Variants in CLCN6 observed in about 807,000 individuals in gnomAD.
CLCN6 encodes the protein Cl-/H+ antiporter 6.
In CLCN6, 70 loss-of-function variants were observed where a neutral mutation model predicts 109.8. That is an observed-to-expected ratio of 0.64 (90% confidence interval 0.53 to 0.78). The LOEUF (loss-of-function observed/expected upper bound fraction) is 0.78, where lower values mean the gene tolerates loss of function less well. Ranked by LOEUF, CLCN6 falls within the 30% of genes least tolerant of loss-of-function variation. CLCN6 has a pLI of 0.00. For missense variants in CLCN6, 984 were observed against 1,142.3 expected (o/e 0.86, Z 2.00); for synonymous variants, 444 against 447.8 (o/e 0.99, Z 0.11).
intron 22 of CLCN6, chr1:11,838,928 C>T (rs1254616746): frequency 1.4e-6 from 1 of 717,926 alleles, no homozygotes; most frequent in Admixed American, 2.0e-5. Context: ...TGAAATGTTG[C>T]TCTTCACTCC....
chr1:11,837,928 T>A (rs1416384922), intron 20 of CLCN6, among the ~76,000 whole-genome samples: 1 of 152,218 alleles, frequency 6.6e-6, no homozygotes, highest in Non-Finnish European at 1.5e-5. Flanking sequence ...TGGGTTCATC[T>A]GAACTCGGTC....
intron 19 of CLCN6, 51 bp downstream of exon 19, chr1:11,837,207 G>T (rs764667149): frequency 1.0e-5 from 16 of 1,605,796 alleles, no homozygotes; most frequent in African/African-American, 1.3e-5. Flanking sequence ...CAGCGGTGGG[G>T]TGAGCCTTTG....
chr1:11,831,653 T>G (rs1644886185), intron 13 of CLCN6, among the ~76,000 whole-genome samples: 1 of 152,166 alleles, frequency 6.6e-6, no homozygotes, highest in Non-Finnish European at 1.5e-5. Flanking sequence ...CAAAAAACGA[T>G]TCTGTGGTCA....
chr1:11,822,558 T>A (rs1037820395), intron 5 of CLCN6, 137 bp from the exon 6 acceptor site: 4 of 561,316 alleles, frequency 7.1e-6, no homozygotes, highest in South Asian at 2.4e-5. Context: ...AGGCAGTTTT[T>A]AAAAAATTTT....
intron 4 of CLCN6, among the ~76,000 whole-genome samples, chr1:11,818,834 G>A (rs1163700700): frequency 6.6e-6 from 1 of 152,180 alleles, no homozygotes; most frequent in Non-Finnish European, 1.5e-5. Flanking sequence ...TACCTGGGAG[G>A]CTGAGGCAGG....
intron 2 of CLCN6, among the ~76,000 whole-genome samples, chr1:11,814,054 T>A (rs1314352653): frequency 6.6e-6 from 1 of 152,164 alleles, no homozygotes; most frequent in Non-Finnish European, 1.5e-5. Context: ...AAAAAAAGAA[T>A]TTGGACTAAC....
At chr1:11,838,975 G>A (rs1225114094) in intron 22 of CLCN6, 1 of 695,028 alleles carries the variant, frequency 1.4e-6, no homozygotes, top group African/African-American at 1.8e-5. Flanking sequence ...ACCTGCGTAG[G>A]GATTTGCGCA....
In CLCN6 at chr1:11,821,994, G is replaced by A. The variant is rs568031891; in HGVS notation, c.347-701G>A. The stretch of plus-strand genomic sequence containing the variant: ...GCAAGTTACAGAATATACAAGTGCC[G>A]TGTACAACAGTGTGGACACTTTTGA... On this transcript the variant is annotated intron_variant, in intron 5 of 22. Transcript: ENST00000346436. 6.6e-5 allele frequency among the ~76,000 whole-genome samples: 10 copies of A among 152,174 alleles called. 1 individual carries two copies. Among genetic ancestry groups the A allele is most frequent in the Admixed American group, 5.2e-4 (8 of 15,292 alleles).
chr1:11,808,217 G>A (rs1252804848), intron 2 of CLCN6, among the ~76,000 whole-genome samples: 1 of 137,822 alleles, frequency 7.3e-6, no homozygotes, highest in Admixed American at 8.0e-5. Flanking sequence ...TATTGTATGT[G>A]TGTGTGTGTT....
Position 11,815,915 on chromosome 1 carries a change from G to A in CLCN6, c.213+4G>A. ...TTTGGAGACCATGGATAATAAGGTG[G>A]GTCTTACAATTCTTCATCTCTGGGG... On this transcript the variant is annotated splice_donor_region_variant and intron_variant, in intron 3 of 22. Transcript: ENST00000346436. The A allele has an allele frequency of 2.5e-6, 4 of 1,605,698 alleles. No individual in the cohort carries two copies. Among genetic ancestry groups the A allele is most frequent in the Non-Finnish European group, 3.4e-6 (4 of 1,172,362 alleles).
Position 11,807,149 on chromosome 1 carries a change from C to CAGG in CLCN6, c.117_119dup (p.Glu39dup), listed in dbSNP as rs764096461. The CAGG allele has an allele frequency of 1.0e-4, 168 of 1,613,970 alleles. No homozygotes were observed. Among genetic ancestry groups the CAGG allele is most frequent in the Non-Finnish European group, 1.4e-4 (160 of 1,179,960 alleles). On this transcript the variant is annotated inframe_insertion, in exon 2 of 23. Transcript: ENST00000346436. ...TTTCTAGACCATCCTTGGAGAAACACAGGAGGAGGAGGATGAGATTCTTCC... is the reference window on the plus strand; with the variant it reads ...TTTCTAGACCATCCTTGGAGAAACACAGGAGGAGGAGGAGGATGAGATTCTTCC...
intron 2 of CLCN6, among the ~76,000 whole-genome samples, chr1:11,812,529 AC>A (rs1370541850): frequency 6.6e-6 from 1 of 151,310 alleles, no homozygotes; most frequent in African/African-American, 2.4e-5. Context: ...TGGGTGTCCC[AC>A]CCCGCTAATC....
intron 1 of CLCN6, 68 bp downstream of exon 1, chr1:11,806,417 G>T: frequency 7.2e-7 from 1 of 1,389,208 alleles, no homozygotes; most frequent in South Asian, 1.5e-5. Flanking sequence ...GCGTTGCCGG[G>T]GGTGGGGCCG....
chr1:11,819,648 A>G, intron 5 of CLCN6, 94 bp downstream of exon 5: 1 of 1,046,422 alleles, frequency 9.6e-7, no homozygotes, highest in Non-Finnish European at 1.5e-6. Context: ...GCATAGTATT[A>G]GAAGGGCCGC....
intron 1 of CLCN6, 161 bp from the exon 2 acceptor site, chr1:11,806,970 A>G: frequency 1.6e-6 from 1 of 632,630 alleles, no homozygotes. Flanking sequence ...ATCCTCACCC[A>G]CATGGTCCCT....
intron 2 of CLCN6, among the ~76,000 whole-genome samples, chr1:11,807,971 G>A (rs1364641988): frequency 6.6e-6 from 1 of 151,620 alleles, no homozygotes; most frequent in East Asian, 1.9e-4. Context: ...TTTTTTGACA[G>A]AGTCTCACTC....
rs375955075 is a variant in CLCN6, at chr1:11,837,518, G to A, written c.2295+19G>A. On this transcript the variant is annotated intron_variant, in intron 20 of 22. Transcript: ENST00000346436. ...CCAGTCGGTAAGTCTCTCCGAGGCA[G>A]AAATCAGCCAGGCCAGACCTGACGA... 6.2e-7 allele frequency: 1 copy of A among 1,610,094 alleles called. No homozygotes were observed. Among genetic ancestry groups the A allele is most frequent in the South Asian group, 1.1e-5 (1 of 90,986 alleles).
chr1:11,827,146 G>A lies in CLCN6; in HGVS notation c.765G>A (p.Gly255=), dbSNP rs369297543. The A allele has an allele frequency of 3.3e-5, 53 of 1,613,834 alleles. No individual in the cohort carries two copies. Among genetic ancestry groups the A allele is most frequent in the African/African-American group, 6.7e-5 (5 of 74,888 alleles). ...CTGCTGGAGTTGCTGCAGCTTTCGG[G>A]GCGCCAATCGGGGGTACCTTGTTCA... is the stretch of plus-strand genomic sequence containing the variant. ...GAAAGVAAAF[G]APIGGTLFSL... Residue 255 remains glycine, a synonymous_variant, in exon 10 of 23, where the codon GGG becomes GGA. Coordinates refer to ENST00000346436, the MANE Select transcript of CLCN6 (RefSeq NM_001286.5).
intron 9 of CLCN6, among the ~76,000 whole-genome samples, 154 bp from the exon 10 acceptor site, chr1:11,826,935 G>A (rs778148589): frequency 9.9e-5 from 15 of 150,938 alleles, no homozygotes; most frequent in South Asian, 2.1e-4. Flanking sequence ...GGACACACTC[G>A]CGGCAAAGGC....
Sources: allele counts gnomAD v4.1 joint callset (sites outside exome capture counted in the v4.1 genomes callset), GRCh38; gene constraint gnomAD v4.1.1; transcripts MANE v1.5; gene names NCBI Gene and HGNC (gene_info 2026-07-23, HGNC 2026-07-21).